The following STMN2 variants were observed in gnomAD, a reference collection of about 807,000 sequenced individuals.
STMN2 encodes stathmin-2.
In STMN2, 2 loss-of-function variants were observed where a neutral mutation model predicts 24.1. That is an observed-to-expected ratio of 0.08 (90% CI 0.03 to 0.26). The LOEUF (loss-of-function observed/expected upper bound fraction) is 0.26, where lower values mean the gene tolerates loss of function less well. STMN2 is among the 10% of genes least tolerant of loss of function. STMN2 has a pLI of 1.00. For missense variants in STMN2, 114 were observed against 213.6 expected (o/e 0.53, Z 2.91); for synonymous variants, 83 against 77.5 (o/e 1.07, Z -0.37).
chr8:79,652,935 T>C (rs1212952500), intron 3 of STMN2, among the ~76,000 whole-genome samples: 1 of 151,806 alleles, frequency 6.6e-6, no homozygotes, highest in Non-Finnish European at 1.5e-5. Flanking sequence ...GGCAGGAGAG[T>C]GAACCAGCTA....
chr8:79,639,537 G>A (rs1563441422), intron 2 of STMN2, among the ~76,000 whole-genome samples: 1 of 152,178 alleles, frequency 6.6e-6, no homozygotes, highest in Non-Finnish European at 1.5e-5. Flanking sequence ...AATTATAAAT[G>A]TCCTAGCAGG....
intron 2 of STMN2, among the ~76,000 whole-genome samples, chr8:79,640,831 C>T (rs1189156879): frequency 1.3e-5 from 2 of 152,170 alleles, no homozygotes; most frequent in African/African-American, 4.8e-5. Flanking sequence ...CAGGGAGTTA[C>T]ATTGGTTCTA....
At chr8:79,664,355 T>C (rs1585917555) in intron 4 of STMN2, among the ~76,000 whole-genome samples, 1 of 152,216 alleles carries the variant, frequency 6.6e-6, no homozygotes, top group East Asian at 1.9e-4. Flanking sequence ...ACTGCAATTA[T>C]GAAGGGCCTT....
intron 3 of STMN2, among the ~76,000 whole-genome samples, chr8:79,642,813 A>G (rs1323887342): frequency 2.0e-5 from 3 of 151,336 alleles, no homozygotes; most frequent in Non-Finnish European, 4.4e-5. Flanking sequence ...TATGATATGT[A>G]ATATGCTGAT....
At chr8:79,648,828 T>C (rs1810274483) in intron 3 of STMN2, among the ~76,000 whole-genome samples, 4 of 152,076 alleles carry the variant, frequency 2.6e-5, no homozygotes, top group Admixed American at 2.0e-4. Context: ...GTTTGATAGG[T>C]AATAGATATA....
chr8:79,658,585 C>T (rs1340835795), intron 4 of STMN2, among the ~76,000 whole-genome samples: 1 of 152,196 alleles, frequency 6.6e-6, no homozygotes. Flanking sequence ...ATCAAGGTCA[C>T]TACACCATGC....
chr8:79,653,251 C>A (rs2130382678), intron 3 of STMN2, among the ~76,000 whole-genome samples: 1 of 152,204 alleles, frequency 6.6e-6, no homozygotes, highest in South Asian at 2.1e-4. Flanking sequence ...GTAGCACACA[C>A]CTGTAATCTC....
chr8:79,660,790 T>A lies in STMN2; in HGVS notation c.481-4025T>A, dbSNP rs192205331. Among the ~76,000 whole-genome samples, 172 of 152,178 alleles carry A rather than the reference T, an allele frequency of 1.1e-3. 1 individual carries two copies. The highest frequency in any genetic ancestry group is 0.01 in the Admixed American group (155 of 15,270). ...ACTGTACCCAATATGTAGTCTTTCA[T>A]CCCTCGCCCCCACTCCCAACCTTCC... On this transcript the variant is annotated intron_variant, in intron 4 of 4. Coordinates refer to ENST00000220876, the MANE Select transcript of STMN2 (RefSeq NM_007029.4).
intron 4 of STMN2, among the ~76,000 whole-genome samples, chr8:79,661,874 A>T (rs547739632): frequency 6.6e-6 from 1 of 152,080 alleles, no homozygotes; most frequent in African/African-American, 2.4e-5. Context: ...CTCACTCCTG[A>T]CCCCTTTTTT....
At chr8:79,664,349 C>T (rs1806558676) in intron 4 of STMN2, among the ~76,000 whole-genome samples, 3 of 152,102 alleles carry the variant, frequency 2.0e-5, no homozygotes, top group Admixed American at 2.0e-4. Flanking sequence ...ACTTGGACTG[C>T]AATTATGAAG....
intron 1 of STMN2, among the ~76,000 whole-genome samples, chr8:79,616,094 G>A (rs1809376063): frequency 6.6e-6 from 1 of 152,240 alleles, no homozygotes; most frequent in African/African-American, 2.4e-5. Context: ...CAGAGAACAT[G>A]CAGCTTAGCG....
At chr8:79,651,857 C>A (rs902588073) in intron 3 of STMN2, among the ~76,000 whole-genome samples, 2 of 152,162 alleles carry the variant, frequency 1.3e-5, no homozygotes, top group African/African-American at 4.8e-5. Flanking sequence ...TTCCAAATAC[C>A]AGGTTGGGGC....
chr8:79,626,917 A>AAAAG (rs375997376), intron 1 of STMN2, among the ~76,000 whole-genome samples: 78 of 152,290 alleles, frequency 5.1e-4, no homozygotes, highest in African/African-American at 1.5e-3. Context: ...GAAAAACACA[A>AAAAG]AAAGAAAGAA....
intron 3 of STMN2, among the ~76,000 whole-genome samples, chr8:79,649,861 T>C (rs572386446): frequency 6.6e-6 from 1 of 152,212 alleles, no homozygotes; most frequent in East Asian, 1.9e-4. Flanking sequence ...AATATACAAA[T>C]TGGTAATTAA....
At chr8:79,660,653 T>C (rs1806482222) in intron 4 of STMN2, among the ~76,000 whole-genome samples, 1 of 152,164 alleles carries the variant, frequency 6.6e-6, no homozygotes, top group Non-Finnish European at 1.5e-5. Flanking sequence ...AATATGTACC[T>C]GTTTTGTAAA....
chr8:79,641,638 A>T, intron 3 of STMN2, 88 bp downstream of exon 3: 22 of 470,542 alleles, frequency 4.7e-5, no homozygotes, highest in East Asian at 2.3e-4. Flanking sequence ...GCACACACAC[A>T]CACACACACA....
At chr8:79,630,122 A>G (rs147094762) in intron 1 of STMN2, among the ~76,000 whole-genome samples, 22 of 152,340 alleles carry the variant, frequency 1.4e-4, no homozygotes, top group Non-Finnish European at 2.6e-4. Context: ...ATATTCCATT[A>G]TCTAAAGACA....
At chr8:79,613,195 T>G (rs1044185463) in intron 1 of STMN2, among the ~76,000 whole-genome samples, 1 of 148,078 alleles carries the variant, frequency 6.8e-6, no homozygotes, top group East Asian at 2.1e-4. Flanking sequence ...TTTTCCAGAA[T>G]GGAGACCCCG....
chr8:79,635,194 G>T (rs929155878), intron 1 of STMN2, among the ~76,000 whole-genome samples: 1 of 152,154 alleles, frequency 6.6e-6, no homozygotes, highest in African/African-American at 2.4e-5. Context: ...AAATGAAATG[G>T]GGAAGGGGAG....
Sources: gnomAD v4.1 joint callset for allele counts (sites outside exome capture counted in the v4.1 genomes callset) on GRCh38, gnomAD v4.1.1 for gene constraint, MANE v1.5 for transcripts, NCBI Gene and HGNC (gene_info 2026-07-23, HGNC 2026-07-21) for gene names.